The following PAPPA variants were observed in gnomAD, a reference collection of about 807,000 sequenced individuals.
PAPPA encodes the protein pappalysin 1.
A neutral mutation model predicts 164.0 loss-of-function variants in PAPPA; 60 were observed. The observed-to-expected ratio is 0.37, with a 90% CI of 0.30 to 0.45. PAPPA has a LOEUF of 0.45. PAPPA is among the 20% of genes least tolerant of loss of function. PAPPA has a pLI of 1.00. For missense variants in PAPPA, 1,782 were observed against 2,087.3 expected, an observed-to-expected ratio of 0.85 and a Z score of 2.85; for synonymous variants, 875 against 814.1, an observed-to-expected ratio of 1.07 and a Z score of -1.27.
At chr9:116,348,107 G>A (rs2118983653) in intron 15 of PAPPA, among the ~76,000 whole-genome samples, 1 of 152,206 alleles carries the variant, frequency 6.6e-6, no homozygotes, top group Non-Finnish European at 1.5e-5. Flanking sequence ...AAGGCCTTAG[G>A]AGGACCATCA....
At chr9:116,203,328 A>G (rs1844193201) in intron 2 of PAPPA, among the ~76,000 whole-genome samples, 1 of 152,130 alleles carries the variant, frequency 6.6e-6, no homozygotes, top group Non-Finnish European at 1.5e-5. Context: ...TCCTGTTTTG[A>G]AACTATGTAA....
chr9:116,368,727 C>G (rs1363210286), intron 19 of PAPPA, among the ~76,000 whole-genome samples: 2 of 152,334 alleles, frequency 1.3e-5, no homozygotes, highest in East Asian at 3.9e-4. Context: ...GGGCGAGGTT[C>G]AGCTCTGTGT....
At chr9:116,384,181 T>A (rs1408609494) in intron 21 of PAPPA, among the ~76,000 whole-genome samples, 1 of 151,768 alleles carries the variant, frequency 6.6e-6, no homozygotes, top group African/African-American at 2.4e-5. Flanking sequence ...ACTCCAGCAC[T>A]TTGGGAGGCC....
chr9:116,294,560 C>T (rs1033526962), intron 9 of PAPPA, among the ~76,000 whole-genome samples: 2 of 152,150 alleles, frequency 1.3e-5, no homozygotes, highest in Admixed American at 6.5e-5. Flanking sequence ...GAAACATATG[C>T]CAATATATAG....
intron 2 of PAPPA, among the ~76,000 whole-genome samples, chr9:116,190,014 C>T (rs1844023002): frequency 6.6e-6 from 1 of 152,202 alleles, no homozygotes; most frequent in Non-Finnish European, 1.5e-5. Context: ...GGTGTGTGAC[C>T]AGTCTCTTCT....
At chr9:116,295,340 G>A (rs1431729446) in intron 9 of PAPPA, among the ~76,000 whole-genome samples, 5 of 152,050 alleles carry the variant, frequency 3.3e-5, no homozygotes, top group African/African-American at 9.7e-5. Flanking sequence ...GATCACCTGA[G>A]GTTAAGAGTT....
intron 19 of PAPPA, among the ~76,000 whole-genome samples, chr9:116,374,139 GCAGATGATGGTGGTA>G (rs1317766055): frequency 7.5e-5 from 7 of 93,866 alleles, no homozygotes; most frequent in East Asian, 3.0e-4. Flanking sequence ...AGAAGATGGT[GCAGATGATGGTGGTA>G]GTGTTGGTGG....
intron 9 of PAPPA, among the ~76,000 whole-genome samples, chr9:116,296,721 G>A (rs1286279047): frequency 2.6e-5 from 4 of 152,186 alleles, no homozygotes; most frequent in African/African-American, 7.2e-5. Context: ...ATTTCAGGCA[G>A]AGAAAAACAA....
chr9:116,257,708 C>CA (rs1223010302), intron 7 of PAPPA, among the ~76,000 whole-genome samples: 1 of 151,460 alleles, frequency 6.6e-6, no homozygotes, highest in East Asian at 2.0e-4. Context: ...TCTCAAAAAA[C>CA]AAAAAAAGTC....
chr9:116,252,718 C>CG (rs1844874041), intron 7 of PAPPA, among the ~76,000 whole-genome samples: 1 of 152,196 alleles, frequency 6.6e-6, no homozygotes, highest in Non-Finnish European at 1.5e-5. Flanking sequence ...CTTGATGATT[C>CG]AAGCCCCAAC....
rs915080317 is a variant in PAPPA, at chr9:116,396,789, C to G, written c.*173C>G. On this transcript the variant is annotated 3_prime_UTR_variant, in exon 22 of 22. Transcript: ENST00000328252. ...AGGACTCACATTGGGGCGAATGAAC[C>G]AAGTTTCGCCATGCTGGATGATGAA... 1.7e-6 allele frequency: 1 copy of G among 589,534 alleles called. No individual in the cohort carries two copies. Among genetic ancestry groups the G allele is most frequent in the African/African-American group, 1.9e-5 (1 of 53,634 alleles). The allele number at this position is 589,534 out of a possible 1,614,324, so 36.5% of individuals were successfully genotyped here. A position where few individuals can be genotyped will look rare whatever the true frequency, so the allele number is the denominator to read the frequency against.
At chr9:116,157,709 C>T (rs1232062031) in intron 1 of PAPPA, among the ~76,000 whole-genome samples, 1 of 152,098 alleles carries the variant, frequency 6.6e-6, no homozygotes, top group African/African-American at 2.4e-5. Context: ...GAGAATGTGT[C>T]TCATAAACAC....
intron 6 of PAPPA, among the ~76,000 whole-genome samples, chr9:116,229,186 G>GT (rs1387592814): frequency 6.6e-6 from 1 of 152,196 alleles, no homozygotes; most frequent in East Asian, 1.9e-4. Flanking sequence ...TATTAACGAG[G>GT]TGCATCTGAG....
chr9:116,367,885 C>T, intron 19 of PAPPA, 131 bp downstream of exon 19: 1 of 686,358 alleles, frequency 1.5e-6, no homozygotes, highest in Admixed American at 2.1e-5. Flanking sequence ...CACACCTGCC[C>T]TGTGGGTGTG....
chr9:116,220,224 T>A, intron 5 of PAPPA, 95 bp downstream of exon 5: 1 of 939,718 alleles, frequency 1.1e-6, no homozygotes, highest in Admixed American at 2.2e-5. Flanking sequence ...GGGATTTTAC[T>A]GCATTTCTTG....
chr9:116,314,060 CTTTTTTTTTTTTTTTTT>C (rs57871796), intron 10 of PAPPA, among the ~76,000 whole-genome samples: 1,193 of 69,750 alleles, frequency 0.017, 39 homozygotes, highest in African/African-American at 0.055. Flanking sequence ...TGCATCGAAT[CTTTTTTTTTTTTTTTTT>C]TTTTTTTTTT....
chr9:116,225,153 C>A (rs961583289), intron 5 of PAPPA, among the ~76,000 whole-genome samples: 10 of 152,320 alleles, frequency 6.6e-5, no homozygotes, highest in Admixed American at 2.0e-4. Flanking sequence ...CCATCAAGGT[C>A]AGCATGGTTC....
Position 116,377,600 on chromosome 9 carries a change from A to G in PAPPA, c.4630A>G (p.Lys1544Glu), listed in dbSNP as rs773798602. The change falls in exon 20 of 22, where the codon AAG becomes GAG. Residue 1544 changes from lysine (K) to glutamate (E), a missense_variant. Physicochemically the swap from Lys to Glu is moderately conservative, Grantham distance 56. Transcript: ENST00000328252. ...VERVVCTAGL[K>E]WYPHPALIHC... is the part of the protein sequence containing the mutation. ...GAGAGTTGTCTGCACTGCTGGTCTC[A>G]AGTGGTATCCTCACCCTGCTCTGAT... The G allele has an allele frequency of 3.1e-6, 5 of 1,613,484 alleles. No individual in the cohort carries two copies. The highest frequency in any genetic ancestry group is 4.2e-6 in the Non-Finnish European group (5 of 1,179,592).
chr9:116,208,633 G>C (rs1340964533), intron 3 of PAPPA, among the ~76,000 whole-genome samples: 1 of 152,228 alleles, frequency 6.6e-6, no homozygotes, highest in African/African-American at 2.4e-5. Flanking sequence ...AGGCTCAGCA[G>C]TGACAGTGCT....
Sources: gnomAD v4.1 joint callset for allele counts (sites outside exome capture counted in the v4.1 genomes callset) on GRCh38, gnomAD v4.1.1 for gene constraint, MANE v1.5 for transcripts, NCBI Gene and HGNC (gene_info 2026-07-23, HGNC 2026-07-21) for gene names.